NDRG3: variants seen among roughly 807,000 people sequenced by gnomAD.
NDRG3 encodes protein NDRG3.
A neutral mutation model predicts 57.2 loss-of-function variants in NDRG3; 23 were observed. The ratio of observed to expected loss-of-function variants is 0.40; its 90% CI spans 0.29 to 0.57. NDRG3 has a LOEUF of 0.57. Among genes scored for constraint, NDRG3 ranks in the 20% least tolerant of loss-of-function variants. NDRG3 has a pLI of 0.42. For missense variants in NDRG3, 384 were observed against 457.3 expected (o/e 0.84, Z 1.46); for synonymous variants, 132 against 162.6 (o/e 0.81, Z 1.43).
chr20:36,686,608 G>A (rs952958073), intron 5 of NDRG3, among the ~76,000 whole-genome samples: 7 of 152,122 alleles, frequency 4.6e-5, no homozygotes, highest in African/African-American at 1.2e-4. Flanking sequence ...ATAAGCACCC[G>A]TCCAGGGAAC....
At chr20:36,746,079 AGCGGCGGCGGCGGCGGCG>A (rs11466997) in exon 1 of NDRG3, 6,388 of 251,330 alleles carry the variant, frequency 0.025, 277 homozygotes, top group African/African-American at 0.067. Flanking sequence ...GTGCAGCAGC[AGCGGCGGCGGCGGCGGCG>A]GCGGCGGCGG....
chr20:36,708,373 G>A (rs556523495), intron 2 of NDRG3, among the ~76,000 whole-genome samples: 1 of 152,166 alleles, frequency 6.6e-6, no homozygotes, highest in South Asian at 2.1e-4. Flanking sequence ...TTCAGGGCCG[G>A]GCACGGTGAC....
At chr20:36,734,420 A>C (rs1030555123) in intron 1 of NDRG3, among the ~76,000 whole-genome samples, 3 of 152,334 alleles carry the variant, frequency 2.0e-5, no homozygotes, top group South Asian at 2.1e-4. Context: ...CTCCGCACTG[A>C]ACATGTCTTT....
At chr20:36,685,452 A>G (rs897263480) in intron 5 of NDRG3, among the ~76,000 whole-genome samples, 5 of 152,138 alleles carry the variant, frequency 3.3e-5, no homozygotes, top group Non-Finnish European at 7.3e-5. Flanking sequence ...CTGGGACTAC[A>G]GGCGCATGCC....
At chr20:36,720,174 CTTCTT>C (rs1013717325) in intron 2 of NDRG3, among the ~76,000 whole-genome samples, 4 of 151,280 alleles carry the variant, frequency 2.6e-5, no homozygotes, top group Non-Finnish European at 4.4e-5. Flanking sequence ...GAAAACAAAA[CTTCTT>C]TTCTTTTTTT....
chr20:36,690,455 C>T (rs1395297447), intron 3 of NDRG3, among the ~76,000 whole-genome samples: 1 of 139,378 alleles, frequency 7.2e-6, no homozygotes, highest in Non-Finnish European at 1.5e-5. Context: ...ATAGAGCAGA[C>T]AAAAGATGCA....
chr20:36,693,670 C>A (rs1207913395), intron 3 of NDRG3, among the ~76,000 whole-genome samples: 1 of 151,764 alleles, frequency 6.6e-6, no homozygotes, highest in Non-Finnish European at 1.5e-5. Context: ...CTCATAGGAG[C>A]ATGAACCCTA....
intron 1 of NDRG3, among the ~76,000 whole-genome samples, chr20:36,743,761 T>G (rs1986036178): frequency 6.7e-6 from 1 of 149,924 alleles, no homozygotes; most frequent in Non-Finnish European, 1.5e-5. Flanking sequence ...GAGCTTGCAG[T>G]GAGCCGAGAT....
intron 1 of NDRG3, among the ~76,000 whole-genome samples, chr20:36,730,458 T>C (rs1427871000): frequency 6.6e-6 from 1 of 151,936 alleles, no homozygotes; most frequent in Non-Finnish European, 1.5e-5. Context: ...CTTACTATGT[T>C]GCCCAGGCTA....
chr20:36,724,304 A>G (rs1354189848), intron 1 of NDRG3, among the ~76,000 whole-genome samples: 1 of 152,206 alleles, frequency 6.6e-6, no homozygotes, highest in Non-Finnish European at 1.5e-5. Flanking sequence ...AGAGACCACA[A>G]ATTTGATGAT....
chr20:36,731,078 A>G (rs1464791352), intron 1 of NDRG3, among the ~76,000 whole-genome samples: 1 of 152,210 alleles, frequency 6.6e-6, no homozygotes, highest in African/African-American at 2.4e-5. Context: ...AAAGTAACAG[A>G]GAAACTGATT....
intron 3 of NDRG3, 34 bp from the exon 4 acceptor site, chr20:36,688,818 C>A (rs899384557): frequency 2.0e-6 from 3 of 1,530,072 alleles, no homozygotes; most frequent in Non-Finnish European, 1.8e-6. Flanking sequence ...TCAGAAAAAG[C>A]AGAATGAACT....
chr20:36,670,542 T>C (rs1848297663), intron 9 of NDRG3, among the ~76,000 whole-genome samples: 1 of 152,242 alleles, frequency 6.6e-6, no homozygotes. Context: ...TGGCAAGTTA[T>C]GTTGCCTCTC....
chr20:36,728,795 G>A (rs532139478), intron 1 of NDRG3, among the ~76,000 whole-genome samples: 3 of 151,898 alleles, frequency 2.0e-5, no homozygotes, highest in African/African-American at 4.8e-5. Flanking sequence ...GCTCAATCGC[G>A]GCTCACTGCA....
intron 9 of NDRG3, 121 bp from the exon 10 acceptor site, chr20:36,666,513 G>A: frequency 1.4e-6 from 1 of 691,048 alleles, no homozygotes; most frequent in Admixed American, 2.3e-5. Flanking sequence ...AACTGGGGCA[G>A]AGCCTGGGGA....
intron 2 of NDRG3, among the ~76,000 whole-genome samples, chr20:36,721,324 A>G (rs1469347303): frequency 1.3e-5 from 2 of 151,682 alleles, no homozygotes; most frequent in African/African-American, 2.4e-5. Context: ...AGGTCAGGAG[A>G]TCGAGACCAT....
intron 5 of NDRG3, among the ~76,000 whole-genome samples, chr20:36,686,793 T>G (rs774579363): frequency 1.3e-5 from 2 of 152,202 alleles, no homozygotes; most frequent in African/African-American, 4.8e-5. Flanking sequence ...GATGGGGAGA[T>G]GCTCCCAGGA....
intron 2 of NDRG3, among the ~76,000 whole-genome samples, chr20:36,711,735 G>A (rs1983892765): frequency 6.6e-6 from 1 of 152,222 alleles, no homozygotes; most frequent in Non-Finnish European, 1.5e-5. Context: ...TATACTCCCA[G>A]ATAAAAGGTA....
Position 36,699,057 on chromosome 20 carries a change from T to TC in NDRG3, c.93+7914dup, listed in dbSNP as rs1983036557. ...CCTGGGCTCAAGCAATCCTCTCACC[T>TC]CAGCCTCCCAAGTAGCTAGGACTAC... On this transcript the variant is annotated intron_variant, in intron 3 of 15. Transcript: ENST00000349004. 3.3e-5 allele frequency among the ~76,000 whole-genome samples: 5 copies of TC among 152,254 alleles called. No individual in the cohort carries two copies. In the South Asian group the frequency reaches 1.0e-3, roughly 32 times the overall value.
Sources: allele counts gnomAD v4.1 joint callset (sites outside exome capture counted in the v4.1 genomes callset), GRCh38; gene constraint gnomAD v4.1.1; transcripts MANE v1.5; gene names NCBI Gene and HGNC (gene_info 2026-07-23, HGNC 2026-07-21).